SHTN1: variants seen among roughly 807,000 people sequenced by gnomAD.
The protein encoded by SHTN1 is shootin-1.
SHTN1 carries 42 observed loss-of-function variants against 83.1 expected under a neutral mutation model. The ratio of observed to expected loss-of-function variants is 0.51; its 90% CI spans 0.39 to 0.65. The LOEUF (loss-of-function observed/expected upper bound fraction) is 0.65, where lower values mean the gene tolerates loss of function less well. Among genes scored for constraint, SHTN1 ranks in the 30% least tolerant of loss-of-function variants. SHTN1 has a pLI of 0.00. For missense variants in SHTN1, 622 were observed against 737.8 expected (o/e 0.84, Z 1.82); for synonymous variants, 224 against 247.7 (o/e 0.90, Z 0.90).
intron 1 of SHTN1, among the ~76,000 whole-genome samples, chr10:116,981,566 T>C (rs979750545): frequency 2.0e-5 from 3 of 152,234 alleles, no homozygotes; most frequent in Non-Finnish European, 2.9e-5. Context: ...TCTATGGTCA[T>C]GATCCCACAT....
chr10:116,982,637 C>A (rs1255557473), intron 1 of SHTN1, among the ~76,000 whole-genome samples: 5 of 152,162 alleles, frequency 3.3e-5, no homozygotes, highest in Non-Finnish European at 7.3e-5. Context: ...GAGACATCCT[C>A]CAAATCCTGA....
chr10:116,922,040 T>C (rs1397827651), intron 11 of SHTN1, among the ~76,000 whole-genome samples: 2 of 152,168 alleles, frequency 1.3e-5, no homozygotes, highest in Non-Finnish European at 2.9e-5. Context: ...AATCAAATTA[T>C]GATAAATTTG....
intron 1 of SHTN1, among the ~76,000 whole-genome samples, chr10:117,124,301 G>A (rs1853974098): frequency 6.6e-6 from 1 of 151,858 alleles, no homozygotes; most frequent in South Asian, 2.1e-4. Context: ...AATGAAAAAA[G>A]TGGACCCTGA....
chr10:116,960,142 T>C lies in SHTN1; in HGVS notation c.261A>G (p.Ala87=). Residue 87 remains alanine, a synonymous_variant, in exon 4 of 17, where the codon GCA becomes GCG. Coordinates refer to ENST00000355371, the MANE Select transcript of SHTN1 (RefSeq NM_001127211.3). ...CCTTCATTTGAAGTCTCACCTTTGT[T>C]GCCAAAGCTTCAGCACTTTCTCGAC... ...KTCRESAEAL[A]TKLNKENKTL... 1 of 1,596,972 alleles carries C rather than the reference T, an allele frequency of 6.3e-7. No individual in the cohort carries two copies. Among genetic ancestry groups the C allele is most frequent in the Non-Finnish European group, 8.6e-7 (1 of 1,164,988 alleles).
intron 1 of SHTN1, among the ~76,000 whole-genome samples, chr10:117,062,638 T>A (rs959088591): frequency 1.3e-5 from 2 of 152,142 alleles, no homozygotes; most frequent in Non-Finnish European, 2.9e-5. Flanking sequence ...ATTGTGAAAA[T>A]TAAATGAGAC....
chr10:117,088,733 G>C (rs753841646), intron 1 of SHTN1, among the ~76,000 whole-genome samples: 5 of 152,204 alleles, frequency 3.3e-5, no homozygotes, highest in Non-Finnish European at 5.9e-5. Flanking sequence ...AGAATTCTGT[G>C]CTTGGCATTG....
chr10:116,995,788 C>T (rs895430077), intron 1 of SHTN1, among the ~76,000 whole-genome samples: 5 of 151,958 alleles, frequency 3.3e-5, no homozygotes, highest in African/African-American at 1.2e-4. Context: ...ATAAAGGCAC[C>T]TTGGAAATAC....
At chr10:116,934,761 G>A (rs1189725118) in intron 9 of SHTN1, among the ~76,000 whole-genome samples, 1 of 152,130 alleles carries the variant, frequency 6.6e-6, no homozygotes, top group African/African-American at 2.4e-5. Flanking sequence ...ACTCTGGGCA[G>A]TACAGCCATT....
At chr10:117,118,691 T>G (rs12261354) in intron 1 of SHTN1, among the ~76,000 whole-genome samples, 1 of 152,190 alleles carries the variant, frequency 6.6e-6, no homozygotes. Flanking sequence ...AAATGTGGTA[T>G]ACATGTGTTC....
At chr10:117,040,254 A>T (rs1852564488) in intron 2 of SHTN1, among the ~76,000 whole-genome samples, 1 of 152,176 alleles carries the variant, frequency 6.6e-6, no homozygotes, top group Admixed American at 6.5e-5. Context: ...AGAATGGAGG[A>T]CTTACATTAC....
intron 2 of SHTN1, among the ~76,000 whole-genome samples, chr10:117,030,492 A>C (rs1852399248): frequency 6.6e-6 from 1 of 152,136 alleles, no homozygotes; most frequent in African/African-American, 2.4e-5. Flanking sequence ...GAAACAGGAC[A>C]TCACCACATG....
chr10:116,899,998 A>C (rs1230424826), intron 16 of SHTN1, among the ~76,000 whole-genome samples: 1 of 152,248 alleles, frequency 6.6e-6, no homozygotes, highest in Non-Finnish European at 1.5e-5. Flanking sequence ...AAAGGTTTAA[A>C]CATTAAATGA....
At chr10:117,005,401 G>C (rs532898130), upstream of SHTN1, 32 of 1,174,476 alleles carry the variant, frequency 2.7e-5, no homozygotes, top group African/African-American at 3.3e-5. Context: ...CTGGTGGGAG[G>C]GGGGGCGGCC....
At chr10:116,905,760 T>C (rs186044511) in intron 15 of SHTN1, among the ~76,000 whole-genome samples, 18 of 152,306 alleles carry the variant, frequency 1.2e-4, no homozygotes, top group Non-Finnish European at 2.9e-5. Context: ...TTAGCTGCGA[T>C]TGCTGATTAA....
At chr10:117,072,140 T>C (rs186150866) in intron 1 of SHTN1, among the ~76,000 whole-genome samples, 154 of 152,308 alleles carry the variant, frequency 1.0e-3, no homozygotes, top group Admixed American at 9.4e-3. Flanking sequence ...GGGAAAAGAA[T>C]AGACTGGCCT....
At chr10:116,978,888 A>G (rs1464983162) in intron 2 of SHTN1, among the ~76,000 whole-genome samples, 2 of 152,218 alleles carry the variant, frequency 1.3e-5, no homozygotes, top group Non-Finnish European at 2.9e-5. Flanking sequence ...CTAGGACCCA[A>G]TGTGTCTAGG....
intron 2 of SHTN1, among the ~76,000 whole-genome samples, chr10:116,971,420 A>C (rs1850614546): frequency 6.6e-6 from 1 of 152,224 alleles, no homozygotes; most frequent in South Asian, 2.1e-4. Flanking sequence ...GTAGAGTTCT[A>C]AATTCGCATA....
intron 16 of SHTN1, among the ~76,000 whole-genome samples, chr10:116,894,661 G>A (rs1013639369): frequency 5.9e-5 from 9 of 152,154 alleles, no homozygotes; most frequent in Admixed American, 3.9e-4. Context: ...CCCTTTTGAA[G>A]TAAGGTTTTA....
At position 116,978,203 on chromosome 10, in the gene SHTN1, G is replaced by C. The variant is rs547778565; in HGVS notation, c.111+1053C>G. The stretch of plus-strand genomic sequence containing the variant: ...CCATCCATACTACAGCTATATAGGT[G>C]GCAAATTAATAGTGAAAAAGTTAAA... On this transcript the variant is annotated intron_variant, in intron 2 of 16. Coordinates refer to ENST00000355371, the MANE Select transcript of SHTN1 (RefSeq NM_001127211.3). Among the ~76,000 whole-genome samples the C allele has an allele frequency of 3.9e-5, 6 of 152,224 alleles. No individual in the cohort carries two copies. In the South Asian group the frequency reaches 1.2e-3, roughly 32 times the overall value.
Sources: allele counts gnomAD v4.1 joint callset (sites outside exome capture counted in the v4.1 genomes callset), GRCh38; gene constraint gnomAD v4.1.1; transcripts MANE v1.5; gene names NCBI Gene and HGNC (gene_info 2026-07-23, HGNC 2026-07-21).